The following PHC3 variants were observed in gnomAD, a reference collection of about 807,000 sequenced individuals.
PHC3 encodes the protein polyhomeotic-like protein 3.
A neutral mutation model predicts 107.4 loss-of-function variants in PHC3; 13 were observed. The observed-to-expected ratio is 0.12, with a 90% CI of 0.08 to 0.19. The LOEUF is 0.19. Among genes scored for constraint, PHC3 ranks in the 10% least tolerant of loss-of-function variants. The pLI is 1.00. For missense variants in PHC3, 992 were observed against 1,210.9 expected, an observed-to-expected ratio of 0.82 and a Z score of 2.68; for synonymous variants, 456 against 427.4, an observed-to-expected ratio of 1.07 and a Z score of -0.83.
At chr3:170,157,203 A>G (rs1727033372) in intron 4 of PHC3, among the ~76,000 whole-genome samples, 1 of 152,242 alleles carries the variant, frequency 6.6e-6, no homozygotes, top group African/African-American at 2.4e-5. Flanking sequence ...GCAAACATAA[A>G]AAGATCTCAA....
At chr3:170,130,338 G>C (rs748516319) in intron 7 of PHC3, among the ~76,000 whole-genome samples, 2 of 152,082 alleles carry the variant, frequency 1.3e-5, no homozygotes, top group Non-Finnish European at 2.9e-5. Flanking sequence ...CCAACTAATA[G>C]GGTAATTACT....
chr3:170,117,311 T>C lies in PHC3; in HGVS notation c.2108A>G (p.Lys703Arg), dbSNP rs1432651517. 6 of 1,613,854 alleles carry C rather than the reference T, an allele frequency of 3.7e-6. No individual in the cohort carries two copies. The South Asian group carries it at 4.4e-5, about 12-fold the overall frequency. ...MHSSIPSIEN[K>R]PPQAIVKPQI... Reference sequence around the variant, plus strand: ...TGGTTTAACAATAGCCTGTGGAGGTTTGTTCTCTATACTGGGAATGCTACT... The same window carrying C: ...TGGTTTAACAATAGCCTGTGGAGGTCTGTTCTCTATACTGGGAATGCTACT... Residue 703 changes from lysine (K) to arginine (R), a missense_variant, in exon 10 of 15, where the codon AAA becomes AGA. Physicochemically the swap from Lys to Arg is conservative, Grantham distance 26. Coordinates refer to ENST00000495893, the MANE Select transcript of PHC3 (RefSeq NM_024947.4).
At position 170,117,469 on chromosome 3, in the gene PHC3, C is replaced by T; in HGVS notation, c.1950G>A (p.Val650=). The part of the protein sequence containing the change: ...LTSEHPLLEQ[V]ELPAVASVSA... ...TGACTGATGCCACAGCAGGTAATTC[C>T]ACTTGCTCTGAAAAAAAAACCAAAA... Residue 650 remains valine (V), a synonymous_variant, in exon 10 of 15, where the codon GTG becomes GTA. Transcript: ENST00000495893. 2 of 1,588,746 alleles carry T rather than the reference C, an allele frequency of 1.3e-6. No homozygotes were observed. Among genetic ancestry groups the T allele is most frequent in the Non-Finnish European group, 1.7e-6 (2 of 1,170,164 alleles).
At chr3:170,137,342 T>C (rs1183898500) in intron 6 of PHC3, among the ~76,000 whole-genome samples, 3 of 152,148 alleles carry the variant, frequency 2.0e-5, no homozygotes, top group Non-Finnish European at 4.4e-5. Flanking sequence ...ATATGAAACA[T>C]ACTGCCAGTC....
chr3:170,138,201 A>C (rs189992453), intron 6 of PHC3, among the ~76,000 whole-genome samples: 1 of 152,246 alleles, frequency 6.6e-6, no homozygotes, highest in South Asian at 2.1e-4. Flanking sequence ...TCTCAAAAAA[A>C]CAAATAAATA....
At chr3:170,125,963 T>C (rs1387562362) in intron 8 of PHC3, 1 of 978,434 alleles carries the variant, frequency 1.0e-6, no homozygotes, top group Non-Finnish European at 1.2e-6. Context: ...CAAACTTACC[T>C]CAATAAAGTC....
At chr3:170,105,088 T>A (rs949456247) in intron 12 of PHC3, among the ~76,000 whole-genome samples, 32 of 152,304 alleles carry the variant, frequency 2.1e-4, no homozygotes, top group African/African-American at 7.2e-4. Context: ...GATACTAATG[T>A]GACAGCTCAG....
chr3:170,165,034 ACC>A (rs1728499608), intron 4 of PHC3, among the ~76,000 whole-genome samples: 1 of 152,156 alleles, frequency 6.6e-6, no homozygotes, highest in African/African-American at 2.4e-5. Flanking sequence ...ACCCCAATGC[ACC>A]CTGCGGTCTC....
intron 7 of PHC3, among the ~76,000 whole-genome samples, chr3:170,130,863 T>C (rs888224100): frequency 6.6e-6 from 1 of 152,102 alleles, no homozygotes; most frequent in African/African-American, 2.4e-5. Context: ...TTAATGTTAA[T>C]ATCATGTAAA....
In PHC3 at chr3:170,178,918, G is replaced by A; in HGVS notation, c.35C>T (p.Ala12Val). The change falls in exon 2 of 15, where the codon GCT becomes GTT. Residue 12 changes from alanine (A) to valine (V), a missense_variant. Ala to Val is a moderately conservative substitution (Grantham distance 64). Transcript: ENST00000495893. ...TCCCGGGTTTGGTTCAGTATCCATA[G>A]CTGTACTATGGTCCTTAAATCTGGC... The part of the protein sequence containing the change: ...AEAEFKDHST[A>V]MDTEPNPGTS... 2.5e-6 allele frequency: 4 copies of A among 1,613,778 alleles called. No individual in the cohort carries two copies. Among genetic ancestry groups the A allele is most frequent in the Non-Finnish European group, 3.4e-6 (4 of 1,179,788 alleles).
chr3:170,167,255 C>T (rs993080397), intron 4 of PHC3, among the ~76,000 whole-genome samples: 2 of 152,104 alleles, frequency 1.3e-5, no homozygotes, highest in African/African-American at 2.4e-5. Context: ...CTCAAGCAAG[C>T]CTCCCACCTC....
At position 170,125,713 on chromosome 3, in the gene PHC3, T is replaced by C. The variant is rs1308709529; in HGVS notation, c.1789-2969A>G. Among the ~76,000 whole-genome samples the C allele has an allele frequency of 2.0e-5, 3 of 152,352 alleles. No individual in the cohort carries two copies. In the East Asian group the frequency reaches 5.8e-4, roughly 29 times the overall value. ...CTCATTATACTTAAAGCTAACTATATGTACTTCCAGAACTCTCATATAAAG... is the reference window on the plus strand; with the variant it reads ...CTCATTATACTTAAAGCTAACTATACGTACTTCCAGAACTCTCATATAAAG... On this transcript the variant is annotated intron_variant, in intron 8 of 14. Coordinates refer to ENST00000495893, the MANE Select transcript of PHC3 (RefSeq NM_024947.4).
chr3:170,153,624 G>T (rs190993372), intron 4 of PHC3, among the ~76,000 whole-genome samples: 6 of 151,998 alleles, frequency 3.9e-5, no homozygotes, highest in Non-Finnish European at 1.5e-5. Context: ...ATAGCCAGGC[G>T]TGGTGGCGGG....
chr3:170,114,688 AAAAC>A (rs1400959337), intron 10 of PHC3, among the ~76,000 whole-genome samples: 6 of 152,350 alleles, frequency 3.9e-5, no homozygotes, highest in African/African-American at 1.4e-4. Flanking sequence ...ATTTTCAACA[AAAAC>A]AACTCAGATC....
At chr3:170,180,090 T>C (rs1190141015) in intron 1 of PHC3, among the ~76,000 whole-genome samples, 1 of 151,682 alleles carries the variant, frequency 6.6e-6, no homozygotes, top group Admixed American at 6.6e-5. Context: ...TTGTTCTATA[T>C]TACGTATGTA....
intron 4 of PHC3, among the ~76,000 whole-genome samples, chr3:170,154,940 TTC>T (rs1229345782): frequency 2.0e-5 from 3 of 152,294 alleles, no homozygotes; most frequent in South Asian, 2.1e-4. Context: ...TTCCATTAAT[TTC>T]TCTGTCAGTT....
intron 11 of PHC3, among the ~76,000 whole-genome samples, chr3:170,111,193 A>C (rs775181057): frequency 2.0e-5 from 3 of 152,036 alleles, no homozygotes; most frequent in South Asian, 2.1e-4. Context: ...TTATAAGGAA[A>C]TGTGTATTAT....
intron 11 of PHC3, among the ~76,000 whole-genome samples, chr3:170,107,487 A>G (rs989799960): frequency 6.6e-6 from 1 of 152,190 alleles, no homozygotes; most frequent in African/African-American, 2.4e-5. Flanking sequence ...TAAAATATAT[A>G]AAGATGCATA....
chr3:170,128,598 T>C, intron 8 of PHC3, 86 bp downstream of exon 8: 2 of 1,455,726 alleles, frequency 1.4e-6, no homozygotes, highest in East Asian at 2.4e-5. Context: ...CACAGGCATT[T>C]AGATCTTGCA....
Sources: gnomAD v4.1 joint callset for allele counts (sites outside exome capture counted in the v4.1 genomes callset) on GRCh38, gnomAD v4.1.1 for gene constraint, MANE v1.5 for transcripts, NCBI Gene and HGNC (gene_info 2026-07-23, HGNC 2026-07-21) for gene names.